The following WWOX variants were observed in gnomAD, a reference collection of about 807,000 sequenced individuals.
WWOX encodes the protein WW domain-containing oxidoreductase.
WWOX carries 69 observed loss-of-function variants against 46.2 expected under a neutral mutation model. The observed-to-expected ratio is 1.49, with a 90% CI of 1.23 to 1.82. The LOEUF is 1.82. WWOX is among the 40% of genes most tolerant of loss of function. The pLI, the probability that WWOX is intolerant of heterozygous loss-of-function variation, is 0.00. For synonymous variants in WWOX, 359 were observed against 202.6 expected (o/e 1.77, Z -6.56); for missense variants, 919 against 542.6 (o/e 1.69, Z -6.89).
At chr16:78,539,983 A>ATCTC (rs1335295060) in intron 8 of WWOX, among the ~76,000 whole-genome samples, 3 of 143,918 alleles carry the variant, frequency 2.1e-5, no homozygotes, top group Non-Finnish European at 4.5e-5. Flanking sequence ...TTTCCAATAC[A>ATCTC]TCTCTCTCTC....
chr16:78,292,034 A>G (rs2079867287), intron 5 of WWOX, among the ~76,000 whole-genome samples: 1 of 147,320 alleles, frequency 6.8e-6, no homozygotes, highest in African/African-American at 2.5e-5. Flanking sequence ...TGTTTTTTGT[A>G]TGGCTTATGA....
At chr16:78,638,924 A>G (rs1244039099) in intron 8 of WWOX, among the ~76,000 whole-genome samples, 5 of 152,158 alleles carry the variant, frequency 3.3e-5, no homozygotes, top group African/African-American at 1.2e-4. Context: ...CCTGAGAGAT[A>G]TCAGTGTAAA....
chr16:78,667,770 G>C (rs2047367275), intron 8 of WWOX, among the ~76,000 whole-genome samples: 2 of 151,692 alleles, frequency 1.3e-5, no homozygotes, highest in Non-Finnish European at 2.9e-5. Context: ...TCATTTGAGA[G>C]CTCTCTCCTT....
chr16:78,598,911 C>T (rs987865171), intron 8 of WWOX, among the ~76,000 whole-genome samples: 1 of 152,168 alleles, frequency 6.6e-6, no homozygotes, highest in Admixed American at 6.5e-5. Flanking sequence ...CAATAGCTCA[C>T]TCAGATTCCC....
intron 8 of WWOX, among the ~76,000 whole-genome samples, chr16:78,714,644 C>A (rs190480014): frequency 6.6e-6 from 1 of 151,972 alleles, no homozygotes; most frequent in African/African-American, 2.4e-5. Flanking sequence ...GTGTCCCAGG[C>A]GGAGGAAACG....
At chr16:79,187,666 C>T (rs2051044903) in intron 8 of WWOX, among the ~76,000 whole-genome samples, 1 of 152,218 alleles carries the variant, frequency 6.6e-6, no homozygotes, top group African/African-American at 2.4e-5. Context: ...CTCAGCCTCC[C>T]ACAGTGATGG....
intron 8 of WWOX, among the ~76,000 whole-genome samples, chr16:78,651,923 A>G (rs2046974049): frequency 6.6e-6 from 1 of 152,180 alleles, no homozygotes; most frequent in Non-Finnish European, 1.5e-5. Context: ...GAGTGTAAGT[A>G]AAATGCAATG....
At chr16:78,765,948 C>A (rs2049916127) in intron 8 of WWOX, among the ~76,000 whole-genome samples, 2 of 152,072 alleles carry the variant, frequency 1.3e-5, no homozygotes, top group African/African-American at 4.8e-5. Context: ...ATCAGGGATC[C>A]CAGTGGCTTG....
chr16:78,581,676 A>G (rs961745427), intron 8 of WWOX, among the ~76,000 whole-genome samples: 1 of 152,190 alleles, frequency 6.6e-6, no homozygotes, highest in African/African-American at 2.4e-5. Flanking sequence ...CATAGATTGA[A>G]GTAGTTTATA....
chr16:78,909,676 A>AAT (rs1303558586), intron 8 of WWOX, among the ~76,000 whole-genome samples: 8 of 152,290 alleles, frequency 5.3e-5, no homozygotes, highest in Non-Finnish European at 1.2e-4. Context: ...CCATCCCACT[A>AAT]ATATATTTCT....
chr16:79,210,293 T>C (rs2051681229), intron 8 of WWOX, among the ~76,000 whole-genome samples: 1 of 152,186 alleles, frequency 6.6e-6, no homozygotes, highest in African/African-American at 2.4e-5. Flanking sequence ...CTTCACGTCG[T>C]AACACCTTCC....
intron 8 of WWOX, among the ~76,000 whole-genome samples, chr16:78,683,992 C>A (rs186478419): frequency 6.6e-6 from 1 of 152,284 alleles, no homozygotes; most frequent in Admixed American, 6.5e-5. Flanking sequence ...ACAACTGTGG[C>A]GTTCTCTTTT....
At chr16:78,157,780 C>A (rs543689273) in intron 4 of WWOX, among the ~76,000 whole-genome samples, 1 of 152,162 alleles carries the variant, frequency 6.6e-6, no homozygotes, top group East Asian at 1.9e-4. Flanking sequence ...AGTCATTCAG[C>A]CCTCGGGTTA....
chr16:78,922,350 TC>T (rs1230184134), intron 8 of WWOX, among the ~76,000 whole-genome samples: 2 of 151,862 alleles, frequency 1.3e-5, no homozygotes, highest in Non-Finnish European at 2.9e-5. Flanking sequence ...ACTCTTTTTT[TC>T]AGGAATATAT....
chr16:78,597,282 C>A (rs2045513603), intron 8 of WWOX, among the ~76,000 whole-genome samples: 1 of 152,152 alleles, frequency 6.6e-6, no homozygotes, highest in Non-Finnish European at 1.5e-5. Flanking sequence ...AGGAGTCAGT[C>A]AATCAATTAA....
At chr16:79,194,634 C>T (rs1166360467) in intron 8 of WWOX, among the ~76,000 whole-genome samples, 1 of 152,148 alleles carries the variant, frequency 6.6e-6, no homozygotes, top group Non-Finnish European at 1.5e-5. Flanking sequence ...TTCCCAGGCT[C>T]CCCTTGTGTG....
intron 8 of WWOX, among the ~76,000 whole-genome samples, chr16:79,007,063 A>G (rs1415448269): frequency 6.6e-6 from 1 of 152,082 alleles, no homozygotes; most frequent in African/African-American, 2.4e-5. Flanking sequence ...CCAGCCTTCC[A>G]CAGGCACTTT....
intron 8 of WWOX, among the ~76,000 whole-genome samples, chr16:79,054,402 A>C (rs954168179): frequency 3.3e-5 from 5 of 152,196 alleles, no homozygotes; most frequent in Non-Finnish European, 5.9e-5. Flanking sequence ...CTAGAGGAGG[A>C]AAATGCTTTT....
In WWOX at chr16:78,912,335, C is replaced by T. The variant is rs1010892198; in HGVS notation, c.1057-299273C>T. Among the ~76,000 whole-genome samples, 4 of 151,966 alleles carry T rather than the reference C, an allele frequency of 2.6e-5. 1 individual carries two copies. Among genetic ancestry groups the T allele is most frequent in the Non-Finnish European group, 5.9e-5 (4 of 68,002 alleles). ...CTTATGTGTGTTATTTTATTTCATC[C>T]TTCCAGCTCTGGGAGGTGATGACTG... On this transcript the variant is annotated intron_variant, in intron 8 of 8. Coordinates refer to ENST00000566780, the MANE Select transcript of WWOX (RefSeq NM_016373.4).
Sources: gnomAD v4.1 joint callset for allele counts (sites outside exome capture counted in the v4.1 genomes callset) on GRCh38, gnomAD v4.1.1 for gene constraint, MANE v1.5 for transcripts, NCBI Gene and HGNC (gene_info 2026-07-23, HGNC 2026-07-21) for gene names.